The following CCSER2 variants were observed in gnomAD, a reference collection of about 807,000 sequenced individuals.
The protein encoded by CCSER2 is coiled-coil serine rich protein 2, also known as serine-rich coiled-coil domain-containing protein 2.
A neutral mutation model predicts 92.3 loss-of-function variants in CCSER2; 46 were observed. The observed-to-expected ratio is 0.50, with a 90% confidence interval of 0.39 to 0.64. The LOEUF (loss-of-function observed/expected upper bound fraction) is 0.64, where lower values mean the gene tolerates loss of function less well. Among genes scored for constraint, CCSER2 ranks in the 30% least tolerant of loss-of-function variants. The pLI is 0.00. For missense variants in CCSER2, 1,244 were observed against 1,238.9 expected (o/e 1.00, Z -0.06); for synonymous variants, 433 against 431.4 (o/e 1.00, Z -0.04).
rs1251079344 is a variant in CCSER2 at position 84,371,290 on chromosome 10, G to C, written c.238G>C (p.Glu80Gln). The change falls in exon 2 of 10, where the codon GAA (glutamate) becomes CAA (glutamine). Residue 80 changes from glutamate (E) to glutamine (Q), a missense_variant. Transcript: ENST00000372088. ...NKYQLCAQGV[E>Q]EPNNTQNSHD... Reference sequence around the variant, plus strand: ...ATATCAGCTTTGTGCACAAGGTGTCGAAGAGCCTAACAATACTCAAAATTC... The same window carrying C: ...ATATCAGCTTTGTGCACAAGGTGTCCAAGAGCCTAACAATACTCAAAATTC... 6.2e-7 allele frequency: 1 copy of C among 1,613,448 alleles called. No individual in the cohort carries two copies. The highest frequency in any genetic ancestry group is 1.1e-5 in the South Asian group (1 of 91,042).
chr10:84,436,634 C>CAAAAAA (rs71013322), intron 5 of CCSER2, among the ~76,000 whole-genome samples: 2 of 93,932 alleles, frequency 2.1e-5, no homozygotes, highest in African/African-American at 8.8e-5. Flanking sequence ...GACTCCGTCT[C>CAAAAAA]AAAAAAAAAA....
intron 3 of CCSER2, among the ~76,000 whole-genome samples, chr10:84,405,778 A>G (rs574316495): frequency 6.6e-6 from 1 of 152,202 alleles, no homozygotes; most frequent in Non-Finnish European, 1.5e-5. Context: ...AGCTAAAATA[A>G]AGATTACTGA....
chr10:84,330,136 G>A (rs145420600), intron 1 of CCSER2, among the ~76,000 whole-genome samples: 2 of 152,294 alleles, frequency 1.3e-5, no homozygotes, highest in East Asian at 1.9e-4. Flanking sequence ...TTTGGAGGAA[G>A]GGACTTTGAA....
intron 6 of CCSER2, among the ~76,000 whole-genome samples, chr10:84,447,333 C>T (rs143337571): frequency 4.9e-4 from 74 of 152,190 alleles, no homozygotes; most frequent in Non-Finnish European, 9.0e-4. Flanking sequence ...ATTTACATTT[C>T]CCTGATTGCT....
intron 3 of CCSER2, among the ~76,000 whole-genome samples, chr10:84,400,484 T>C (rs1393452729): frequency 6.6e-6 from 1 of 152,210 alleles, no homozygotes; most frequent in East Asian, 1.9e-4. Context: ...TTTGTTTTTT[T>C]CCTGAGAGTT....
intron 6 of CCSER2, among the ~76,000 whole-genome samples, chr10:84,459,234 C>T (rs1013263479): frequency 4.6e-5 from 7 of 152,172 alleles, no homozygotes; most frequent in Non-Finnish European, 1.0e-4. Context: ...TCTTGAATTC[C>T]TGACCTCATG....
At chr10:84,361,546 A>G (rs543805934) in intron 1 of CCSER2, among the ~76,000 whole-genome samples, 2 of 152,306 alleles carry the variant, frequency 1.3e-5, no homozygotes, top group African/African-American at 4.8e-5. Flanking sequence ...TCTTGTTTAA[A>G]GGATCCTGTT....
At chr10:84,430,199 C>T (rs990245239) in intron 5 of CCSER2, among the ~76,000 whole-genome samples, 22 of 152,214 alleles carry the variant, frequency 1.4e-4, no homozygotes, top group African/African-American at 4.8e-4. Context: ...TAGTTTGCAG[C>T]TCTGCCTTGG....
chr10:84,437,711 T>G (rs1465580450), intron 5 of CCSER2, among the ~76,000 whole-genome samples: 9 of 118,294 alleles, frequency 7.6e-5, no homozygotes, highest in African/African-American at 1.8e-4. Context: ...TTTAGAGTAG[T>G]TTTTTTTTTT....
At chr10:84,457,292 A>ATAATGTG (rs1564684794) in intron 6 of CCSER2, among the ~76,000 whole-genome samples, 1 of 75,802 alleles carries the variant, frequency 1.3e-5, no homozygotes, top group Non-Finnish European at 2.3e-5. Flanking sequence ...TATATTATAT[A>ATAATGTG]TTATATATAA....
intron 3 of CCSER2, among the ~76,000 whole-genome samples, chr10:84,377,103 T>C (rs984491112): frequency 5.9e-5 from 9 of 152,168 alleles, no homozygotes; most frequent in Non-Finnish European, 1.0e-4. Flanking sequence ...TGTGTATATT[T>C]ACATTTTATA....
At chr10:84,340,538 A>AAT (rs996225574) in intron 1 of CCSER2, among the ~76,000 whole-genome samples, 12 of 152,106 alleles carry the variant, frequency 7.9e-5, no homozygotes, top group African/African-American at 1.4e-4. Flanking sequence ...ATATTTATTA[A>AAT]ATATTTCTTT....
chr10:84,411,208 G>A (rs959714459), intron 3 of CCSER2, among the ~76,000 whole-genome samples: 6 of 151,938 alleles, frequency 3.9e-5, no homozygotes, highest in Non-Finnish European at 8.8e-5. Flanking sequence ...ACCAGAATCT[G>A]GGTGCTCCTG....
chr10:84,464,139 T>G, intron 7 of CCSER2, 123 bp downstream of exon 7: 1 of 547,796 alleles, frequency 1.8e-6, no homozygotes, highest in Non-Finnish European at 3.2e-6. Context: ...TGTTCTTAAC[T>G]TTTGCTACTT....
At chr10:84,496,158 TGTCCTTTTAA>T (rs1231338697) in intron 9 of CCSER2, among the ~76,000 whole-genome samples, 1 of 152,212 alleles carries the variant, frequency 6.6e-6, no homozygotes, top group Non-Finnish European at 1.5e-5. Context: ...AGAAACTTTA[TGTCCTTTTAA>T]GTCCCTTTTC....
intron 1 of CCSER2, among the ~76,000 whole-genome samples, chr10:84,341,367 T>TTTA (rs71013314): frequency 6.1e-5 from 9 of 147,862 alleles, no homozygotes; most frequent in African/African-American, 1.5e-4. Context: ...TTTTTTTTTT[T>TTTA]AGAGGCGGAG....
At chr10:84,413,931 G>C (rs999264086) in intron 3 of CCSER2, among the ~76,000 whole-genome samples, 1 of 152,004 alleles carries the variant, frequency 6.6e-6, no homozygotes, top group Non-Finnish European at 1.5e-5. Context: ...GATCTTTGTT[G>C]GTTTAAAGTC....
intron 2 of CCSER2, 141 bp from the exon 3 acceptor site, chr10:84,373,478 G>T (rs1359475463): frequency 6.6e-6 from 4 of 605,794 alleles, no homozygotes; most frequent in South Asian, 4.7e-5. Flanking sequence ...TATTGCTTAG[G>T]ATATAGAAAA....
intron 5 of CCSER2, among the ~76,000 whole-genome samples, chr10:84,431,554 A>G (rs1214140230): frequency 6.6e-6 from 1 of 152,130 alleles, no homozygotes; most frequent in African/African-American, 2.4e-5. Context: ...CAGCCTGGGC[A>G]CATATTGAGT....
Sources: gnomAD v4.1 joint callset for allele counts (sites outside exome capture counted in the v4.1 genomes callset) on GRCh38, gnomAD v4.1.1 for gene constraint, MANE v1.5 for transcripts, NCBI Gene and HGNC (gene_info 2026-07-23, HGNC 2026-07-21) for gene names.